HIVEP3: variants seen among roughly 807,000 people sequenced by gnomAD.
The protein encoded by HIVEP3 is transcription factor HIVEP3.
Under a neutral mutation model 152.8 loss-of-function variants are expected in HIVEP3, and 49 were observed. That is an observed-to-expected ratio of 0.32 (90% CI 0.26 to 0.41). The LOEUF (loss-of-function observed/expected upper bound fraction) is 0.41. Among genes scored for constraint, HIVEP3 ranks in the 10% least tolerant of loss-of-function variants. The pLI is 1.00. For synonymous variants in HIVEP3, 1,269 were observed against 1,289.0 expected (o/e 0.98, Z 0.33); for missense variants, 2,790 against 3,103.3 (o/e 0.90, Z 2.40).
intron 1 of HIVEP3, among the ~76,000 whole-genome samples, chr1:41,802,918 C>T (rs1368554553): frequency 6.6e-6 from 1 of 152,240 alleles, no homozygotes; most frequent in African/African-American, 2.4e-5. Context: ...CAGAGAGAGG[C>T]ATTGCCAAAG....
At chr1:41,746,300 A>G (rs377426581) in intron 1 of HIVEP3, among the ~76,000 whole-genome samples, 3 of 152,330 alleles carry the variant, frequency 2.0e-5, no homozygotes, top group East Asian at 1.9e-4. Context: ...ACTTTCCATC[A>G]ACCCCGTTTG....
intron 1 of HIVEP3, among the ~76,000 whole-genome samples, chr1:41,716,581 G>A (rs979316933): frequency 7.9e-5 from 12 of 152,216 alleles, no homozygotes; most frequent in Non-Finnish European, 1.8e-4. Context: ...CTTCTTGTAG[G>A]AGGAGCAGTG....
At chr1:41,788,255 G>A (rs1453103309) in intron 1 of HIVEP3, among the ~76,000 whole-genome samples, 5 of 152,190 alleles carry the variant, frequency 3.3e-5, no homozygotes, top group Non-Finnish European at 7.4e-5. Context: ...GTGCAGGAAC[G>A]CAGGAGGGGA....
chr1:41,730,780 C>G (rs1009550042), intron 1 of HIVEP3, among the ~76,000 whole-genome samples: 15 of 152,172 alleles, frequency 9.9e-5, no homozygotes, highest in African/African-American at 3.6e-4. Flanking sequence ...GGGCAGGAAG[C>G]CAGGATTCCG....
At chr1:41,766,452 T>A (rs1648013885) in intron 1 of HIVEP3, among the ~76,000 whole-genome samples, 1 of 152,230 alleles carries the variant, frequency 6.6e-6, no homozygotes, top group African/African-American at 2.4e-5. Context: ...TGCCATTAAT[T>A]GAGCACTTGC....
intron 1 of HIVEP3, among the ~76,000 whole-genome samples, chr1:42,021,141 C>T (rs942201177): frequency 1.7e-4 from 26 of 152,144 alleles, no homozygotes; most frequent in African/African-American, 5.1e-4. Context: ...ACTGTTCTAA[C>T]GAATGTGTGT....
intron 1 of HIVEP3, among the ~76,000 whole-genome samples, chr1:41,874,873 G>A (rs1644142609): frequency 6.6e-6 from 1 of 152,198 alleles, no homozygotes; most frequent in South Asian, 2.1e-4. Flanking sequence ...GTCCACCTCA[G>A]GAAAAGGGCT....
intron 2 of HIVEP3, among the ~76,000 whole-genome samples, chr1:41,698,646 C>T (rs1376719170): frequency 6.6e-6 from 1 of 152,204 alleles, no homozygotes. Flanking sequence ...CACCCCAACA[C>T]ATCCTGGTGT....
At chr1:41,622,195 C>G (rs542170785) in intron 3 of HIVEP3, among the ~76,000 whole-genome samples, 12 of 152,282 alleles carry the variant, frequency 7.9e-5, no homozygotes, top group Non-Finnish European at 1.8e-4. Context: ...TAGAGGGGAG[C>G]CCCTCTCATG....
chr1:41,919,785 T>C (rs1644925188), upstream of HIVEP3, among the ~76,000 whole-genome samples: 1 of 152,184 alleles, frequency 6.6e-6, no homozygotes, highest in Admixed American at 6.5e-5. Flanking sequence ...TACTGCAGTT[T>C]TGTTCTGGCT....
intron 1 of HIVEP3, among the ~76,000 whole-genome samples, chr1:41,983,554 C>T (rs1409854082): frequency 6.6e-6 from 1 of 152,000 alleles, no homozygotes; most frequent in Non-Finnish European, 1.5e-5. Flanking sequence ...TCTGTCTTAG[C>T]AGAAAATAGC....
At chr1:42,018,935 G>A (rs1645538537) in intron 1 of HIVEP3, among the ~76,000 whole-genome samples, 1 of 151,994 alleles carries the variant, frequency 6.6e-6, no homozygotes, top group Non-Finnish European at 1.5e-5. Context: ...CCATTGCTTT[G>A]AGATACTTTT....
intron 6 of HIVEP3, among the ~76,000 whole-genome samples, chr1:41,521,810 C>T (rs546167152): frequency 8.5e-5 from 13 of 152,366 alleles, no homozygotes; most frequent in South Asian, 4.1e-4. Flanking sequence ...CTGCCCCTGC[C>T]GCTGGCAGAC....
chr1:41,786,013 G>A (rs1240523436), intron 1 of HIVEP3, among the ~76,000 whole-genome samples: 1 of 152,052 alleles, frequency 6.6e-6, no homozygotes, highest in East Asian at 1.9e-4. Flanking sequence ...AAAAAATTAG[G>A]TTACTAAACC....
At position 42,009,011 on chromosome 1, in the gene HIVEP3, G is replaced by A. The variant is rs563381916; in HGVS notation, n.119+26796C>T. On this transcript the variant is annotated intron_variant and non_coding_transcript_variant, in intron 1 of 3. Transcript: ENST00000489103. ...CCGTGGATATCTTGTCACCATAGAG[G>A]AGCTAGCCTGAGCACAAAGCCAACA... is the stretch of plus-strand genomic sequence containing the variant. Among the ~76,000 whole-genome samples the A allele has an allele frequency of 1.3e-3, 197 of 152,276 alleles. 2 individuals carry two copies. The highest frequency in any genetic ancestry group is 4.2e-3 in the African/African-American group (175 of 41,548).
intron 1 of HIVEP3, among the ~76,000 whole-genome samples, chr1:42,034,279 T>A (rs530982869): frequency 5.9e-5 from 9 of 152,300 alleles, no homozygotes; most frequent in East Asian, 3.9e-4. Flanking sequence ...AATAAATTTT[T>A]AAAAAAATCT....
rs144972621 is a variant in HIVEP3 at position 41,801,013 on chromosome 1, C to A, written c.-800-100018G>T. Among the ~76,000 whole-genome samples the A allele has an allele frequency of 4.0e-3, 611 of 152,254 alleles. 3 individuals carry two copies. The highest frequency in any genetic ancestry group is 0.014 in the African/African-American group (583 of 41,542). ...TACAATTAATGCTATCTTTTACCCA[C>A]AAGGAGCTACAATTACTAAGTGGAG... On this transcript the variant is annotated intron_variant, in intron 1 of 8. Transcript: ENST00000372583.
intron 6 of HIVEP3, among the ~76,000 whole-genome samples, chr1:41,521,038 T>C (rs1642746704): frequency 6.6e-6 from 1 of 152,172 alleles, no homozygotes; most frequent in Non-Finnish European, 1.5e-5. Flanking sequence ...GAATGGAACC[T>C]AGATGGAACC....
intron 5 of HIVEP3, among the ~76,000 whole-genome samples, chr1:41,559,498 C>A (rs544840308): frequency 6.6e-6 from 1 of 152,144 alleles, no homozygotes; most frequent in South Asian, 2.1e-4. Context: ...ATGCCCCTCT[C>A]AACCTGCTTG....
Sources: allele counts gnomAD v4.1 joint callset (sites outside exome capture counted in the v4.1 genomes callset), GRCh38; gene constraint gnomAD v4.1.1; transcripts MANE v1.5; gene names NCBI Gene and HGNC (gene_info 2026-07-23, HGNC 2026-07-21).